The following PIK3CB variants were observed in gnomAD, a reference collection of about 807,000 sequenced individuals.
PIK3CB encodes phosphatidylinositol-4,5-bisphosphate 3-kinase catalytic subunit beta.
A neutral mutation model predicts 136.8 loss-of-function variants in PIK3CB; 39 were observed. The observed-to-expected ratio is 0.29, with a 90% CI of 0.22 to 0.37. PIK3CB has a LOEUF of 0.37. PIK3CB is among the 10% of genes least tolerant of loss of function. The pLI, the probability that PIK3CB is intolerant of heterozygous loss-of-function variation, is 1.00. For synonymous variants in PIK3CB, 428 were observed against 436.6 expected (o/e 0.98, Z 0.25); for missense variants, 868 against 1,275.4 (o/e 0.68, Z 4.87).
At chr3:138,677,628 G>T (rs143905216) in intron 19 of PIK3CB, among the ~76,000 whole-genome samples, 70 of 152,338 alleles carry the variant, frequency 4.6e-4, no homozygotes, top group African/African-American at 1.7e-3. Context: ...TGGGCGCGGT[G>T]ACTCATGCCT....
intron 19 of PIK3CB, among the ~76,000 whole-genome samples, chr3:138,676,068 T>C (rs2043636292): frequency 6.6e-6 from 1 of 152,194 alleles, no homozygotes; most frequent in Non-Finnish European, 1.5e-5. Context: ...ATAATTTATC[T>C]AAGAAGGGTC....
At chr3:138,788,854 C>T (rs1462365924) in intron 2 of PIK3CB, among the ~76,000 whole-genome samples, 1 of 149,516 alleles carries the variant, frequency 6.7e-6, no homozygotes, top group Non-Finnish European at 1.5e-5. Context: ...ATCCCAGCTA[C>T]TAGGGAGGCT....
At chr3:138,692,323 A>G (rs2044026873) in intron 14 of PIK3CB, among the ~76,000 whole-genome samples, 1 of 152,228 alleles carries the variant, frequency 6.6e-6, no homozygotes, top group Non-Finnish European at 1.5e-5. Context: ...GAAATTTCAC[A>G]ATAGAAAAAC....
intron 2 of PIK3CB, among the ~76,000 whole-genome samples, chr3:138,765,326 A>AG (rs2045719527): frequency 6.6e-6 from 1 of 152,058 alleles, no homozygotes; most frequent in Admixed American, 6.6e-5. Context: ...CCAAAAAAAA[A>AG]GAATCTGCTA....
At chr3:138,790,202 GTTA>G (rs1417594619) in intron 2 of PIK3CB, among the ~76,000 whole-genome samples, 1 of 152,146 alleles carries the variant, frequency 6.6e-6, no homozygotes, top group African/African-American at 2.4e-5. Flanking sequence ...GCAATGAGAA[GTTA>G]TTATTTAATA....
chr3:138,708,994 G>A (rs1297214200), intron 10 of PIK3CB, among the ~76,000 whole-genome samples: 1 of 151,754 alleles, frequency 6.6e-6, no homozygotes, highest in East Asian at 1.9e-4. Context: ...TGTTGTCCAG[G>A]CTGGTCTCAA....
chr3:138,703,862 GGTCA>G (rs1350150509), intron 12 of PIK3CB, among the ~76,000 whole-genome samples: 1 of 152,074 alleles, frequency 6.6e-6, no homozygotes, highest in Non-Finnish European at 1.5e-5. Context: ...ACTTAGGCAT[GGTCA>G]GTAAGATCTG....
chr3:138,680,314 C>T (rs1392092570), intron 19 of PIK3CB, among the ~76,000 whole-genome samples: 1 of 151,068 alleles, frequency 6.6e-6, no homozygotes, highest in Non-Finnish European at 1.5e-5. Flanking sequence ...GCCGAGATCG[C>T]ACCACTGCAC....
At chr3:138,784,880 G>A (rs978161578) in intron 2 of PIK3CB, among the ~76,000 whole-genome samples, 12 of 150,416 alleles carry the variant, frequency 8.0e-5, no homozygotes, top group South Asian at 2.1e-4. Flanking sequence ...GCGTCTCCCT[G>A]GCCACCCATG....
Position 138,655,254 on chromosome 3 carries a change from G to T in PIK3CB, c.*135C>A. 1.2e-6 allele frequency: 1 copy of T among 835,818 alleles called. No homozygotes were observed. Among genetic ancestry groups the T allele is most frequent in the Non-Finnish European group, 1.9e-6 (1 of 529,736 alleles). The allele number at this position is 835,818 out of a possible 1,614,324, so 51.8% of individuals were successfully genotyped here. A position where few individuals can be genotyped will look rare whatever the true frequency, so the allele number is the denominator to read the frequency against. On this transcript the variant is annotated 3_prime_UTR_variant, in exon 24 of 24. Transcript: ENST00000674063. ...CAGATTAGGTTCTGTGGGATGCCTT[G>T]TTCTTAATTTAACTCTGAGTTCCAG...
At chr3:138,690,183 A>G (rs1306324375) in intron 15 of PIK3CB, among the ~76,000 whole-genome samples, 1 of 152,008 alleles carries the variant, frequency 6.6e-6, no homozygotes, top group Non-Finnish European at 1.5e-5. Context: ...TAAAATTAAG[A>G]GCACAACATT....
intron 12 of PIK3CB, among the ~76,000 whole-genome samples, chr3:138,702,104 ATTT>A (rs10706809): frequency 3.5e-5 from 5 of 143,992 alleles, no homozygotes; most frequent in Admixed American, 6.9e-5. Flanking sequence ...TTGGTTTACA[ATTT>A]TTTTTTTTTT....
intron 11 of PIK3CB, 42 bp from the exon 12 acceptor site, chr3:138,704,535 T>C (rs1680258257): frequency 7.6e-7 from 1 of 1,319,530 alleles, no homozygotes; most frequent in Non-Finnish European, 1.1e-6. Flanking sequence ...GGCTCTCATA[T>C]TTGTAGAATT....
At chr3:138,781,291 CAAA>C (rs60812016) in intron 2 of PIK3CB, among the ~76,000 whole-genome samples, 1 of 113,638 alleles carries the variant, frequency 8.8e-6, no homozygotes. Context: ...GATCTTATCT[CAAA>C]AAAAAAAAAA....
In PIK3CB at chr3:138,654,139, T is replaced by A. The variant is rs945312618; in HGVS notation, c.*1250A>T. On this transcript the variant is annotated 3_prime_UTR_variant, in exon 24 of 24. Coordinates refer to ENST00000674063, the MANE Select transcript of PIK3CB (RefSeq NM_006219.3). ...GAAAGCTCAGTCATAGGGCAAATAC[T>A]CAGTTCTCTTTCCCATATCACCGAG... 10 of 205,076 alleles carry A rather than the reference T, an allele frequency of 4.9e-5. No individual in the cohort carries two copies. Among genetic ancestry groups the A allele is most frequent in the Non-Finnish European group, 1.0e-4 (10 of 100,334 alleles). 12.7% of individuals were successfully genotyped at this position (205,076 alleles called of 1,614,324 possible). A position where few individuals can be genotyped will look rare whatever the true frequency, so the allele number is the denominator to read the frequency against.
intron 1 of PIK3CB, among the ~76,000 whole-genome samples, chr3:138,806,243 T>C (rs2046233034): frequency 6.6e-6 from 1 of 151,904 alleles, no homozygotes; most frequent in South Asian, 2.1e-4. Context: ...CCCAGCACTT[T>C]GGGAGGCCAA....
chr3:138,688,259 T>C (rs1308100688), intron 16 of PIK3CB, among the ~76,000 whole-genome samples: 2 of 151,846 alleles, frequency 1.3e-5, no homozygotes, highest in African/African-American at 2.4e-5. Context: ...CCCAGCACTT[T>C]GGGAGGCCGA....
chr3:138,776,414 G>A (rs1461668393), intron 2 of PIK3CB, among the ~76,000 whole-genome samples: 1 of 152,166 alleles, frequency 6.6e-6, no homozygotes, highest in Non-Finnish European at 1.5e-5. Context: ...CTAAGGCCGG[G>A]AGTGGTGGCT....
chr3:138,738,756 A>G (rs919476736), intron 5 of PIK3CB, among the ~76,000 whole-genome samples: 1 of 151,830 alleles, frequency 6.6e-6, no homozygotes, highest in Non-Finnish European at 1.5e-5. Context: ...ATATGATCAT[A>G]TACTAAAGAT....
Sources: allele counts gnomAD v4.1 joint callset (sites outside exome capture counted in the v4.1 genomes callset), GRCh38; gene constraint gnomAD v4.1.1; transcripts MANE v1.5; gene names NCBI Gene and HGNC (gene_info 2026-07-23, HGNC 2026-07-21).